The following C4orf51 variants were observed in gnomAD, a reference collection of about 807,000 sequenced individuals.
The protein encoded by C4orf51 is uncharacterized protein C4orf51.
A neutral mutation model predicts 25.2 loss-of-function variants in C4orf51; 25 were observed. The ratio of observed to expected loss-of-function variants is 0.99; its 90% CI spans 0.72 to 1.39. C4orf51 has a LOEUF of 1.39. Ranked by LOEUF, C4orf51 falls within the 40% of genes most tolerant of loss-of-function variation. C4orf51 has a pLI of 0.00. For missense variants in C4orf51, 252 were observed against 239.6 expected, an observed-to-expected ratio of 1.05 and a Z score of -0.34; for synonymous variants, 100 against 84.5, an observed-to-expected ratio of 1.18 and a Z score of -1.01.
intron 1 of C4orf51, among the ~76,000 whole-genome samples, chr4:145,747,665 CCCG>C (rs367707282): frequency 1.4e-4 from 20 of 147,352 alleles, no homozygotes; most frequent in Middle Eastern, 6.8e-3. Flanking sequence ...TCCCTTCCTC[CCCG>C]CTTCTTTCCC....
chr4:145,761,427 G>A lies in C4orf51; in HGVS notation n.167-9561G>A. 1 of 1,289,844 alleles carries A rather than the reference G, an allele frequency of 7.8e-7. No homozygotes were observed. The highest frequency in any genetic ancestry group is 1.0e-6 in the Non-Finnish European group (1 of 988,876). 79.9% of individuals were successfully genotyped at this position (1,289,844 alleles called of 1,614,324 possible). On this transcript the variant is annotated intron_variant and non_coding_transcript_variant, in intron 1 of 1. Coordinates refer to the C4orf51 transcript ENST00000510096. The surrounding 1 kb of genome is among the most constrained non-coding windows in gnomAD (Gnocchi z 6.8). ...CGGTCTTGGACAGGTAGCCGCACTGGTCGCACTTGTAGTGGTTGCCCAGGC... is the reference window on the plus strand; with the variant it reads ...CGGTCTTGGACAGGTAGCCGCACTGATCGCACTTGTAGTGGTTGCCCAGGC...
At chr4:145,691,137 T>C (rs2126671370) in intron 1 of C4orf51, among the ~76,000 whole-genome samples, 1 of 151,886 alleles carries the variant, frequency 6.6e-6, no homozygotes, top group Admixed American at 6.6e-5. Context: ...ACAAAGGACA[T>C]GAATAGACAC....
intron 1 of C4orf51, among the ~76,000 whole-genome samples, chr4:145,689,997 G>C (rs901213206): frequency 6.6e-6 from 1 of 151,620 alleles, no homozygotes; most frequent in African/African-American, 2.4e-5. Context: ...CTGAGGTCAG[G>C]AGTTCAAGAC....
At chr4:145,684,388 A>G (rs545391055) in intron 1 of C4orf51, among the ~76,000 whole-genome samples, 1 of 152,292 alleles carries the variant, frequency 6.6e-6, no homozygotes, top group Admixed American at 6.5e-5. Flanking sequence ...AGGCTGAGGC[A>G]GGAGAATGGC....
At chr4:145,745,537 T>G (rs535614075) in intron 1 of C4orf51, among the ~76,000 whole-genome samples, 1 of 152,348 alleles carries the variant, frequency 6.6e-6, no homozygotes, top group South Asian at 2.1e-4. Flanking sequence ...TCTATGCTGT[T>G]GCAAATGATT....
intron 2 of C4orf51, among the ~76,000 whole-genome samples, chr4:145,726,040 G>A (rs1179008484): frequency 6.6e-6 from 1 of 152,206 alleles, no homozygotes; most frequent in East Asian, 1.9e-4. Flanking sequence ...AATTCTAAGA[G>A]TGTAAGTTGT....
rs887053915 is a variant in C4orf51 at position 145,721,469 on chromosome 4, C to T, written c.308-5442C>T. 2.0e-5 allele frequency among the ~76,000 whole-genome samples: 3 copies of T among 152,256 alleles called. No homozygotes were observed. The South Asian group carries it at 6.2e-4, about 32-fold the overall frequency. On this transcript the variant is annotated intron_variant, in intron 2 of 5. Transcript: ENST00000438731. ...CAGCTACGCTGTGTGACTGCCAGCACACCCCAGAGAATCCCGGGATGGGCC... is the reference window on the plus strand; with the variant it reads ...CAGCTACGCTGTGTGACTGCCAGCATACCCCAGAGAATCCCGGGATGGGCC...
chr4:145,770,014 C>T (rs977256321), intron 1 of C4orf51, among the ~76,000 whole-genome samples: 40 of 152,100 alleles, frequency 2.6e-4, no homozygotes, highest in African/African-American at 9.4e-4. Context: ...ACTCTAGATC[C>T]AGGCTGGGTG....
the C4orf51 span, among the ~76,000 whole-genome samples, chr4:145,787,333 C>T: frequency 3.3e-5 from 5 of 151,958 alleles, no homozygotes; most frequent in African/African-American, 7.2e-5. Flanking sequence ...CGTGGTGGCG[C>T]GCGCCTGTAG....
chr4:145,764,268 T>C (rs1201141616), intron 1 of C4orf51, among the ~76,000 whole-genome samples: 2 of 152,238 alleles, frequency 1.3e-5, no homozygotes, highest in Non-Finnish European at 1.5e-5. Flanking sequence ...GATTTCACTG[T>C]GCAGATGAGG....
At chr4:145,691,341 G>T (rs1199268649) in intron 1 of C4orf51, among the ~76,000 whole-genome samples, 1 of 152,150 alleles carries the variant, frequency 6.6e-6, no homozygotes, top group Non-Finnish European at 1.5e-5. Flanking sequence ...ATACACTGTT[G>T]GTGGGAATGT....
downstream of C4orf51, among the ~76,000 whole-genome samples, chr4:145,736,991 C>T (rs1369431390): frequency 6.6e-6 from 1 of 152,032 alleles, no homozygotes; most frequent in Non-Finnish European, 1.5e-5. Flanking sequence ...CTGAACTTCT[C>T]GTGAGTCCCT....
intron 4 of C4orf51, among the ~76,000 whole-genome samples, chr4:145,729,592 T>G (rs571093652): frequency 6.6e-6 from 1 of 152,188 alleles, no homozygotes; most frequent in East Asian, 1.9e-4. Context: ...TGAGCCACCA[T>G]GCCCGGTCCT....
At chr4:145,778,385 T>G in the C4orf51 span, among the ~76,000 whole-genome samples, 3 of 152,202 alleles carry the variant, frequency 2.0e-5, no homozygotes, top group African/African-American at 7.2e-5. Flanking sequence ...CCACCTGCCT[T>G]GGCCTCCCAA....
chr4:145,696,356 T>A (rs985919882), intron 1 of C4orf51, among the ~76,000 whole-genome samples: 1 of 152,118 alleles, frequency 6.6e-6, no homozygotes, highest in Non-Finnish European at 1.5e-5. Flanking sequence ...GGGTATTAGA[T>A]TTAATACCTG....
chr4:145,781,748 C>T, the C4orf51 span, among the ~76,000 whole-genome samples: 1 of 152,190 alleles, frequency 6.6e-6, no homozygotes, highest in African/African-American at 2.4e-5. Flanking sequence ...TTCAGTATAT[C>T]AGTAGCTCCT....
At position 145,682,963 on chromosome 4, in the gene C4orf51, C is replaced by T. The variant is rs187671920; in HGVS notation, c.233+2527C>T. Among the ~76,000 whole-genome samples the T allele has an allele frequency of 1.3e-3, 199 of 151,698 alleles. 1 individual carries two copies. The highest frequency in any genetic ancestry group is 3.4e-3 in the Middle Eastern group (1 of 292). On this transcript the variant is annotated intron_variant, in intron 1 of 5. Transcript: ENST00000438731. ...TAAAACTGTCTTTGTTTGCAGATGA[C>T]ATTATCATCTACATAGAAAATCTGA...
At chr4:145,696,672 G>A in intron 2 of C4orf51, 40 bp downstream of exon 2, 2 of 1,450,912 alleles carry the variant, frequency 1.4e-6, no homozygotes, top group Non-Finnish European at 9.5e-7. Context: ...CAGCCCTTTT[G>A]CCAGGGTTGC....
intron 2 of C4orf51, among the ~76,000 whole-genome samples, chr4:145,700,614 T>G (rs1730372818): frequency 6.6e-6 from 1 of 152,214 alleles, no homozygotes. Context: ...GCAAATGGTC[T>G]GAGGTGCCTG....
Sources: gnomAD v4.1 joint callset for allele counts (sites outside exome capture counted in the v4.1 genomes callset) on GRCh38, gnomAD v4.1.1 for gene constraint, Gnocchi (gnomAD v3.1) non-coding constraint, MANE v1.5 for transcripts, NCBI Gene and HGNC (gene_info 2026-07-23, HGNC 2026-07-21) for gene names.